The following PLXNA2 variants were observed in gnomAD, a reference collection of about 807,000 sequenced individuals.
The protein encoded by PLXNA2 is plexin-A2.
PLXNA2 carries 91 observed loss-of-function variants against 193.5 expected under a neutral mutation model. That is an observed-to-expected ratio of 0.47 (90% CI 0.40 to 0.56). The LOEUF is 0.56. Ranked by LOEUF, PLXNA2 falls within the 20% of genes least tolerant of loss-of-function variation. The probability of loss-of-function intolerance (pLI) is 0.00; values close to 1 mark genes in which losing one functional copy is unlikely to be tolerated. For missense variants in PLXNA2, 1,995 were observed against 2,503.2 expected (o/e 0.80, Z 4.33); for synonymous variants, 997 against 1,027.3 (o/e 0.97, Z 0.56).
intron 3 of PLXNA2, among the ~76,000 whole-genome samples, chr1:208,146,701 T>C (rs1212418773): frequency 2.0e-5 from 3 of 152,178 alleles, no homozygotes; most frequent in African/African-American, 7.2e-5. Flanking sequence ...TATTCTATGG[T>C]GTCCCACAAA....
At chr1:208,193,904 C>T (rs1226847472) in intron 3 of PLXNA2, among the ~76,000 whole-genome samples, 1 of 151,946 alleles carries the variant, frequency 6.6e-6, no homozygotes, top group Non-Finnish European at 1.5e-5. Context: ...TCTAAAAAAA[C>T]TTTTTAAATG....
intron 4 of PLXNA2, among the ~76,000 whole-genome samples, chr1:208,131,800 G>A (rs1668165482): frequency 1.3e-5 from 2 of 152,200 alleles, no homozygotes; most frequent in Admixed American, 1.3e-4. Context: ...ATGCAGAGGA[G>A]TCATGATGTC....
In PLXNA2 at chr1:208,224,597, C is replaced by CTT. The variant is rs1671456241; in HGVS notation, c.-80-6597_-80-6596dup. ...GACCAAAGGAACAATTTAGATGTCA[C>CTT]TTCTGTACCAGCTGCGTTTGCTTCA... On this transcript the variant is annotated intron_variant, in intron 1 of 31. Transcript: ENST00000367033. Among the ~76,000 whole-genome samples the CTT allele has an allele frequency of 2.6e-5, 4 of 152,286 alleles. 1 individual carries two copies. In the South Asian group the frequency reaches 8.3e-4, roughly 32 times the overall value.
chr1:208,079,228 C>T (rs1189595266), intron 12 of PLXNA2, 32 bp downstream of exon 12: 4 of 1,573,080 alleles, frequency 2.5e-6, no homozygotes, highest in Non-Finnish European at 3.5e-6. Context: ...TCTTGGCCAC[C>T]CCTTCCTGCT....
intron 13 of PLXNA2, among the ~76,000 whole-genome samples, chr1:208,057,982 T>C (rs1352373589): frequency 6.6e-6 from 1 of 152,190 alleles, no homozygotes; most frequent in Non-Finnish European, 1.5e-5. Flanking sequence ...AGTGACTTGC[T>C]CAAAGTCACC....
intron 3 of PLXNA2, among the ~76,000 whole-genome samples, chr1:208,180,998 C>T (rs1479350364): frequency 6.6e-6 from 1 of 152,234 alleles, no homozygotes; most frequent in African/African-American, 2.4e-5. Flanking sequence ...CCTTCCAAGC[C>T]TTCCAAAGTT....
intron 4 of PLXNA2, among the ~76,000 whole-genome samples, chr1:208,133,329 T>A (rs938223061): frequency 6.6e-6 from 1 of 152,250 alleles, no homozygotes; most frequent in African/African-American, 2.4e-5. Flanking sequence ...ATTGCGCTTC[T>A]CCAGAATTTG....
intron 12 of PLXNA2, among the ~76,000 whole-genome samples, chr1:208,075,288 C>A (rs375156995): frequency 6.8e-6 from 1 of 146,734 alleles, no homozygotes; most frequent in African/African-American, 2.5e-5. Context: ...TCAGCCTGGG[C>A]GATAGAGTGA....
Position 208,148,926 on chromosome 1 carries a change from C to G in PLXNA2, c.1372-6463G>C, listed in dbSNP as rs1384116891. On this transcript the variant is annotated intron_variant, in intron 3 of 31. Transcript: ENST00000367033. The stretch of plus-strand genomic sequence containing the variant: ...TAAATATAAAGCTGTTCTTGTTATG[C>G]CTGAGCTCAGATTTCTTAGAAACTT... Among the ~76,000 whole-genome samples, 18 of 152,178 alleles carry G rather than the reference C, an allele frequency of 1.2e-4. 1 individual carries two copies.
chr1:208,190,375 T>C (rs564424364), intron 3 of PLXNA2, among the ~76,000 whole-genome samples: 1 of 152,352 alleles, frequency 6.6e-6, no homozygotes, highest in South Asian at 2.1e-4. Flanking sequence ...TGTGAATAAA[T>C]GGGAAAATAA....
intron 13 of PLXNA2, 65 bp downstream of exon 13, chr1:208,060,621 G>C: frequency 6.1e-6 from 9 of 1,463,532 alleles, no homozygotes; most frequent in Non-Finnish European, 8.4e-6. Context: ...GGAAGGGAGA[G>C]GGGAGAGTCT....
At chr1:208,046,298 A>T (rs1665062219) in intron 17 of PLXNA2, among the ~76,000 whole-genome samples, 181 bp from the exon 18 acceptor site, 1 of 152,198 alleles carries the variant, frequency 6.6e-6, no homozygotes, top group Non-Finnish European at 1.5e-5. Flanking sequence ...AGTGGGGGGC[A>T]TTTTAGCTTC....
intron 12 of PLXNA2, among the ~76,000 whole-genome samples, chr1:208,070,121 G>A (rs1287421478): frequency 3.3e-5 from 5 of 152,242 alleles, no homozygotes; most frequent in Non-Finnish European, 7.3e-5. Context: ...ACCACCATGA[G>A]AATGCATGCC....
intron 15 of PLXNA2, 117 bp downstream of exon 15, chr1:208,052,210 T>G: frequency 2.0e-6 from 2 of 988,456 alleles, no homozygotes; most frequent in Non-Finnish European, 3.1e-6. Flanking sequence ...TGGGTCTAGG[T>G]GTAGCAAATA....
intron 4 of PLXNA2, among the ~76,000 whole-genome samples, chr1:208,125,695 T>C (rs1667954663): frequency 6.6e-6 from 1 of 152,198 alleles, no homozygotes; most frequent in African/African-American, 2.4e-5. Context: ...CAGAACAGGT[T>C]TGCCTGCCCG....
intron 12 of PLXNA2, among the ~76,000 whole-genome samples, chr1:208,065,439 G>A (rs1340835140): frequency 6.6e-6 from 1 of 152,142 alleles, no homozygotes; most frequent in Non-Finnish European, 1.5e-5. Context: ...TGCCTCACAG[G>A]GATGATGTGA....
intron 4 of PLXNA2, among the ~76,000 whole-genome samples, chr1:208,135,321 T>C (rs1289502633): frequency 6.6e-6 from 1 of 152,190 alleles, no homozygotes; most frequent in Non-Finnish European, 1.5e-5. Context: ...CAGTTTCCTG[T>C]AATCCATGGG....
At chr1:208,056,255 C>G (rs952680572) in intron 13 of PLXNA2, among the ~76,000 whole-genome samples, 1 of 152,180 alleles carries the variant, frequency 6.6e-6, no homozygotes, top group African/African-American at 2.4e-5. Flanking sequence ...GTGGGCAGTG[C>G]TGGGGAAGAC....
chr1:208,092,983 C>T, intron 8 of PLXNA2, 83 bp from the exon 9 acceptor site: 1 of 933,578 alleles, frequency 1.1e-6, no homozygotes, highest in South Asian at 1.5e-5. Context: ...GTCTGTTAAC[C>T]TGTGTTTAAA....
Sources: allele counts gnomAD v4.1 joint callset (sites outside exome capture counted in the v4.1 genomes callset), GRCh38; gene constraint gnomAD v4.1.1; transcripts MANE v1.5; gene names NCBI Gene and HGNC (gene_info 2026-07-23, HGNC 2026-07-21).